The following FARP1 variants were observed in gnomAD, a reference collection of about 807,000 sequenced individuals.
The protein encoded by FARP1 is FERM, ARH/RhoGEF and pleckstrin domain protein 1.
A neutral mutation model predicts 128.8 loss-of-function variants in FARP1; 52 were observed. That is an observed-to-expected ratio of 0.40 (90% CI 0.32 to 0.51). The LOEUF is 0.51. FARP1 is among the 20% of genes least tolerant of loss of function. FARP1 has a pLI of 0.45. For missense variants in FARP1, 1,333 were observed against 1,367.9 expected (o/e 0.97, Z 0.40); for synonymous variants, 580 against 551.8 (o/e 1.05, Z -0.72).
rs1206931087 is a variant in FARP1, at chr13:98,177,310, C to G, written c.-24+33818C>G. ...CGCCCTTGCGTCGCTGCACGTGGGG[C>G]GTGGGCCCTCCCAGTTCTAAAAAGC... On this transcript the variant is annotated intron_variant, in intron 1 of 26. Transcript: ENST00000319562. 6.5e-6 allele frequency: 8 copies of G among 1,239,510 alleles called. No individual in the cohort carries two copies. In the East Asian group the frequency reaches 1.7e-4, roughly 26 times the overall value. The allele number at this position is 1,239,510 out of a possible 1,614,324, so 76.8% of individuals were successfully genotyped here.
chr13:98,144,307 G>T (rs1361545199), intron 1 of FARP1, among the ~76,000 whole-genome samples: 1 of 152,062 alleles, frequency 6.6e-6, no homozygotes, highest in Admixed American at 6.5e-5. Flanking sequence ...AGCGGCTGTT[G>T]GGGATCGAGT....
intron 2 of FARP1, among the ~76,000 whole-genome samples, chr13:98,278,151 G>A (rs1884751939): frequency 6.7e-6 from 1 of 150,168 alleles, no homozygotes; most frequent in African/African-American, 2.5e-5. Flanking sequence ...TTAATATCCA[G>A]GGTGTGTGTA....
chr13:98,266,289 G>T (rs1884112477), intron 2 of FARP1, among the ~76,000 whole-genome samples: 1 of 152,154 alleles, frequency 6.6e-6, no homozygotes. Flanking sequence ...GAGACAGAGG[G>T]ACACACATTC....
chr13:98,348,794 C>T (rs1354272026), intron 3 of FARP1, among the ~76,000 whole-genome samples: 1 of 152,162 alleles, frequency 6.6e-6, no homozygotes, highest in Non-Finnish European at 1.5e-5. Context: ...TGCTTCGGAC[C>T]TGTGCCAGAA....
At chr13:98,406,747 T>C (rs1241958391) in intron 13 of FARP1, 1 of 152,302 alleles carries the variant, frequency 6.6e-6, no homozygotes, top group Admixed American at 6.5e-5. Flanking sequence ...TGTAGCACAG[T>C]GGGGATTGTT....
intron 2 of FARP1, among the ~76,000 whole-genome samples, chr13:98,225,726 G>A (rs1000072840): frequency 9.2e-5 from 14 of 152,196 alleles, no homozygotes; most frequent in Non-Finnish European, 5.9e-5. Context: ...CTGCCAACCG[G>A]GCTGTTAGAG....
intron 2 of FARP1, among the ~76,000 whole-genome samples, chr13:98,240,821 C>T (rs1882725167): frequency 6.6e-6 from 1 of 152,176 alleles, no homozygotes; most frequent in Non-Finnish European, 1.5e-5. Context: ...GGGAAGGCCT[C>T]AGGGAAGGGC....
Position 98,409,397 on chromosome 13 carries a change from G to T in FARP1, c.1474G>T (p.Ala492Ser), listed in dbSNP as rs768203931. Residue 492 changes from alanine (A) to serine (S), a missense_variant, in exon 14 of 27, where the codon GCC becomes TCC. Physicochemically the swap from Ala to Ser is moderately conservative, Grantham distance 99. This residue lies in a region of FARP1 where 1,009 missense variants were observed against 969.8 expected (regional missense o/e 1.04). Coordinates refer to ENST00000319562, the MANE Select transcript of FARP1 (RefSeq NM_005766.4). ...ELSVNSQGGVAPANVTLSPNL... is the reference protein window; with the variant it reads ...ELSVNSQGGVSPANVTLSPNL... ...GTCTGTGAACTCGCAGGGGGGAGTG[G>T]CCCCTGCCAACGTGACCTTGTCTCC... 1 of 1,613,798 alleles carries T rather than the reference G, an allele frequency of 6.2e-7. No homozygotes were observed. Among genetic ancestry groups the T allele is most frequent in the Non-Finnish European group, 8.5e-7 (1 of 1,179,860 alleles).
At chr13:98,342,814 G>A (rs183122575) in intron 2 of FARP1, among the ~76,000 whole-genome samples, 78 of 151,640 alleles carry the variant, frequency 5.1e-4, no homozygotes, top group African/African-American at 1.8e-3. Flanking sequence ...CACCTGAGGT[G>A]GGGAGTTTGA....
At chr13:98,339,497 C>T (rs1887875180) in intron 2 of FARP1, among the ~76,000 whole-genome samples, 1 of 152,180 alleles carries the variant, frequency 6.6e-6, no homozygotes, top group African/African-American at 2.4e-5. Context: ...CAGAGCCAAA[C>T]ATATCACCAT....
chr13:98,152,453 G>C (rs1396942645), intron 1 of FARP1, among the ~76,000 whole-genome samples: 1 of 152,132 alleles, frequency 6.6e-6, no homozygotes. Context: ...GTGATGCCTG[G>C]AATCACAGCA....
chr13:98,263,055 C>T (rs1017581297), intron 2 of FARP1, among the ~76,000 whole-genome samples: 7 of 152,114 alleles, frequency 4.6e-5, no homozygotes, highest in Admixed American at 4.6e-4. Flanking sequence ...GTTGCCCAGG[C>T]TGGAGTGCCG....
chr13:98,274,644 C>T (rs1884549678), intron 2 of FARP1, among the ~76,000 whole-genome samples: 1 of 152,090 alleles, frequency 6.6e-6, no homozygotes, highest in South Asian at 2.1e-4. Flanking sequence ...TTGCTCCAAC[C>T]TAATAATTTA....
intron 1 of FARP1, among the ~76,000 whole-genome samples, chr13:98,178,192 T>A (rs1878238067): frequency 1.6e-4 from 1 of 6,232 alleles, no homozygotes; most frequent in Non-Finnish European, 2.2e-3. Context: ...ATTTTTAATT[T>A]TTTTTTTTTT....
intron 1 of FARP1, among the ~76,000 whole-genome samples, chr13:98,173,738 C>T (rs145733394): frequency 2.3e-3 from 350 of 152,224 alleles, no homozygotes; most frequent in African/African-American, 7.9e-3. Context: ...TTCTTTTGAC[C>T]GGAAAGATAG....
chr13:98,179,859 A>AAAAAAC (rs1555325408), intron 1 of FARP1, among the ~76,000 whole-genome samples: 5 of 151,398 alleles, frequency 3.3e-5, no homozygotes, highest in Non-Finnish European at 1.5e-5. Context: ...TCCATCTCAA[A>AAAAAAC]AAAACAAAAC....
intron 2 of FARP1, among the ~76,000 whole-genome samples, chr13:98,255,910 G>T (rs1333420996): frequency 6.6e-6 from 1 of 152,192 alleles, no homozygotes; most frequent in Non-Finnish European, 1.5e-5. Flanking sequence ...AGGCCATTGT[G>T]TGCGCAGTCA....
intron 3 of FARP1, among the ~76,000 whole-genome samples, chr13:98,347,852 C>T (rs1252294160): frequency 6.6e-6 from 1 of 152,162 alleles, no homozygotes; most frequent in African/African-American, 2.4e-5. Flanking sequence ...CAACTGGGTT[C>T]ACCCCATTTC....
At chr13:98,320,325 A>T (rs1435847170) in intron 2 of FARP1, among the ~76,000 whole-genome samples, 8 of 152,114 alleles carry the variant, frequency 5.3e-5, no homozygotes, top group African/African-American at 1.9e-4. Context: ...TACAATCTGG[A>T]TGTGCGTGTC....
Sources: allele counts gnomAD v4.1 joint callset (sites outside exome capture counted in the v4.1 genomes callset), GRCh38; gene constraint gnomAD v4.1.1; regional missense constraint gnomAD v4.1.1; transcripts MANE v1.5; gene names NCBI Gene and HGNC (gene_info 2026-07-23, HGNC 2026-07-21).